HEATR4: variants seen among roughly 807,000 people sequenced by gnomAD.
HEATR4 encodes the protein HEAT repeat containing 4, also known as HEAT repeat-containing protein 4.
A neutral mutation model predicts 108.8 loss-of-function variants in HEATR4; 95 were observed. That is an observed-to-expected ratio of 0.87 (90% CI 0.74 to 1.04). The LOEUF (loss-of-function observed/expected upper bound fraction) is 1.04. HEATR4 is among the 50% of genes least tolerant of loss of function. The probability of loss-of-function intolerance (pLI) is 0.00; values close to 1 mark genes in which losing one functional copy is unlikely to be tolerated. For synonymous variants in HEATR4, 443 were observed against 459.4 expected (o/e 0.96, Z 0.46); for missense variants, 1,152 against 1,253.8 (o/e 0.92, Z 1.23).
intron 15 of HEATR4, among the ~76,000 whole-genome samples, chr14:73,495,694 C>T (rs775358539): frequency 6.6e-6 from 1 of 152,110 alleles, no homozygotes; most frequent in Non-Finnish European, 1.5e-5. Flanking sequence ...TATACCTGTT[C>T]GTGAAAATTT....
At chr14:73,527,967 A>G (rs1469310891) in intron 2 of HEATR4, among the ~76,000 whole-genome samples, 2 of 148,618 alleles carry the variant, frequency 1.3e-5, no homozygotes, top group Non-Finnish European at 3.0e-5. Context: ...ATCTCAAAAA[A>G]AAAAAAAAAA....
chr14:73,497,668 C>T (rs1201690137), intron 14 of HEATR4, among the ~76,000 whole-genome samples: 1 of 151,994 alleles, frequency 6.6e-6, no homozygotes, highest in Non-Finnish European at 1.5e-5. Context: ...CTCTTGTTGC[C>T]CAGGCTGGAG....
the HEATR4 span, among the ~76,000 whole-genome samples, chr14:73,576,983 T>G: frequency 6.8e-6 from 1 of 147,544 alleles, no homozygotes; most frequent in Non-Finnish European, 1.5e-5. Flanking sequence ...CAGGCTGGAG[T>G]GCAGTGGCAC....
Position 73,498,143 on chromosome 14 carries a change from T to A in HEATR4, c.2546+12A>T. The A allele has an allele frequency of 1.3e-6, 2 of 1,597,862 alleles. No individual in the cohort carries two copies. Among genetic ancestry groups the A allele is most frequent in the Admixed American group, 3.4e-5 (2 of 59,242 alleles). On this transcript the variant is annotated intron_variant, in intron 14 of 17. Coordinates refer to ENST00000553558, the MANE Select transcript of HEATR4 (RefSeq NM_001220484.1). ...ATAAGGTCATGGTGGGAGCCAGAGG[T>A]TTAGTGCTTACTTTAGAACAGCATC...
the HEATR4 span, among the ~76,000 whole-genome samples, chr14:73,617,545 T>C: frequency 2.0e-5 from 3 of 152,182 alleles, no homozygotes; most frequent in Non-Finnish European, 2.9e-5. Flanking sequence ...TTTGTAATTG[T>C]GGACCAAAAT....
At chr14:73,592,564 G>T in the HEATR4 span, 1 of 1,047,210 alleles carries the variant, frequency 9.5e-7, no homozygotes, top group Non-Finnish European at 1.3e-6. Flanking sequence ...CAAAATAGAG[G>T]GTTTGGTACC....
the HEATR4 span, among the ~76,000 whole-genome samples, chr14:73,608,553 C>A: frequency 6.6e-6 from 1 of 152,202 alleles, no homozygotes; most frequent in African/African-American, 2.4e-5. Flanking sequence ...TTTCTCACAT[C>A]TTTCTGTCTT....
chr14:73,595,575 A>C, the HEATR4 span: 1 of 1,581,890 alleles, frequency 6.3e-7, no homozygotes, highest in Non-Finnish European at 8.6e-7. Flanking sequence ...AAGGCCCAGG[A>C]AGATGCCTGG....
At position 73,501,364 on chromosome 14, in the gene HEATR4, A is replaced by G. The variant is rs537392999; in HGVS notation, c.2106-634T>C. On this transcript the variant is annotated intron_variant, in intron 11 of 17. Transcript: ENST00000553558. ...ATGGTCTTGATCTCCTGACCTCGTG[A>G]TCTGCCCGCCTCGGCCTCCCAAAGT... is the stretch of plus-strand genomic sequence containing the variant. Among the ~76,000 whole-genome samples the G allele has an allele frequency of 3.9e-5, 6 of 151,968 alleles. No individual in the cohort carries two copies. The East Asian group carries it at 1.2e-3, about 30-fold the overall frequency.
At chr14:73,617,196 C>A in the HEATR4 span, 1 of 1,614,106 alleles carries the variant, frequency 6.2e-7, no homozygotes, top group Non-Finnish European at 8.5e-7. Flanking sequence ...TCCAAAGGTG[C>A]GTTCTGGTGA....
At chr14:73,629,824 T>G in the HEATR4 span, among the ~76,000 whole-genome samples, 1 of 151,804 alleles carries the variant, frequency 6.6e-6, no homozygotes, top group African/African-American at 2.4e-5. Flanking sequence ...TTTTTGTATT[T>G]TTTTAGTAGA....
the HEATR4 span, among the ~76,000 whole-genome samples, chr14:73,629,505 C>G: frequency 6.6e-6 from 1 of 152,190 alleles, no homozygotes; most frequent in East Asian, 1.9e-4. Context: ...AAGCCCATGC[C>G]TTCACTGACC....
chr14:73,529,133 C>T (rs1036545411), intron 2 of HEATR4: 1 of 152,032 alleles, frequency 6.6e-6, no homozygotes, highest in African/African-American at 2.4e-5. Flanking sequence ...GCGTGTGGAT[C>T]ATCTGAGGTT....
At chr14:73,535,863 T>C (rs1888851642) in intron 1 of HEATR4, among the ~76,000 whole-genome samples, 1 of 115,764 alleles carries the variant, frequency 8.6e-6, no homozygotes, top group Admixed American at 9.7e-5. Flanking sequence ...AGCCTCCAAG[T>C]AAACTGGGAT....
rs1326596096 is a variant in HEATR4, at chr14:73,550,501, G to T, written c.-152+8250C>A. On this transcript the variant is annotated intron_variant, in intron 1 of 17. Coordinates refer to ENST00000553558, the MANE Select transcript of HEATR4 (RefSeq NM_001220484.1). ...ATATGAACAAGCATGTACAGCTACT[G>T]TGCATGTGCACACAGAAGACCACCC... 2.4e-4 allele frequency among the ~76,000 whole-genome samples: 27 copies of T among 113,892 alleles called. 8 individuals are homozygous for T. Among genetic ancestry groups the T allele is most frequent in the Non-Finnish European group, 7.6e-5 (4 of 52,394 alleles). 74.7% of individuals were successfully genotyped at this position (113,892 alleles called of 152,430 possible).
At chr14:73,631,283 AT>A in the HEATR4 span, among the ~76,000 whole-genome samples, 8 of 150,856 alleles carry the variant, frequency 5.3e-5, no homozygotes, top group African/African-American at 1.5e-4. Context: ...GTAGAAAACA[AT>A]TTTTTTTTTA....
chr14:73,622,997 C>T, the HEATR4 span, among the ~76,000 whole-genome samples: 2 of 152,098 alleles, frequency 1.3e-5, no homozygotes, highest in East Asian at 3.9e-4. Context: ...GCAACATCCG[C>T]CTCCCGGGTT....
Position 73,495,130 on chromosome 14 carries a change from C to G in HEATR4, c.2785+98G>C, listed in dbSNP as rs985871274. The G allele has an allele frequency of 2.9e-6, 3 of 1,027,776 alleles. No individual in the cohort carries two copies. In the African/African-American group the frequency reaches 4.8e-5, roughly 17 times the overall value. The allele number at this position is 1,027,776 out of a possible 1,614,324, so 63.7% of individuals were successfully genotyped here. A position where few individuals can be genotyped will look rare whatever the true frequency, so the allele number is the denominator to read the frequency against. On this transcript the variant is annotated intron_variant, in intron 16 of 17. Coordinates refer to ENST00000553558, the MANE Select transcript of HEATR4 (RefSeq NM_001220484.1). The stretch of plus-strand genomic sequence containing the variant: ...AGAGAGTACCCTTTCCTGACTCTTT[C>G]ATCCTCTAAGGCTTGCTACTAAGTC...
At chr14:73,593,567 T>G in the HEATR4 span, 7 of 722,570 alleles carry the variant, frequency 9.7e-6, no homozygotes, top group Non-Finnish European at 1.6e-5. Flanking sequence ...GGTCTTGAAC[T>G]CCTGGCCTCA....
Sources: allele counts gnomAD v4.1 joint callset (sites outside exome capture counted in the v4.1 genomes callset), GRCh38; gene constraint gnomAD v4.1.1; transcripts MANE v1.5; gene names NCBI Gene and HGNC (gene_info 2026-07-23, HGNC 2026-07-21).